CPNE4: variants seen among roughly 807,000 people sequenced by gnomAD.
CPNE4 encodes copine-4.
In CPNE4, 25 loss-of-function variants were observed where a neutral mutation model predicts 67.9. The observed-to-expected ratio is 0.37, with a 90% CI of 0.27 to 0.51. CPNE4 has a LOEUF of 0.51. CPNE4 is among the 20% of genes least tolerant of loss of function. The pLI is 0.93. For synonymous variants in CPNE4, 242 were observed against 244.9 expected (o/e 0.99, Z 0.11); for missense variants, 464 against 690.8 (o/e 0.67, Z 3.68).
At chr3:131,943,229 A>C (rs1360102210) in intron 1 of CPNE4, among the ~76,000 whole-genome samples, 3 of 152,194 alleles carry the variant, frequency 2.0e-5, no homozygotes, top group Non-Finnish European at 4.4e-5. Flanking sequence ...GTGTGGTAAC[A>C]TAAATAAAGC....
At chr3:132,028,509 G>A (rs2074164902) in intron 1 of CPNE4, among the ~76,000 whole-genome samples, 1 of 152,130 alleles carries the variant, frequency 6.6e-6, no homozygotes, top group Non-Finnish European at 1.5e-5. Flanking sequence ...TGCTGAGGGG[G>A]AAGGGGTAAG....
chr3:131,579,146 C>T (rs569525940), intron 9 of CPNE4, among the ~76,000 whole-genome samples: 2 of 152,234 alleles, frequency 1.3e-5, no homozygotes, highest in Non-Finnish European at 2.9e-5. Context: ...TAAGTGGAAG[C>T]CAATGTTCAT....
chr3:131,645,585 A>G (rs1289102326), intron 7 of CPNE4, among the ~76,000 whole-genome samples: 1 of 152,224 alleles, frequency 6.6e-6, no homozygotes, highest in East Asian at 1.9e-4. Flanking sequence ...AACCATATAA[A>G]TTTTAAAAGA....
chr3:131,850,504 G>C (rs1367164119), intron 2 of CPNE4, among the ~76,000 whole-genome samples: 1 of 152,150 alleles, frequency 6.6e-6, no homozygotes, highest in Non-Finnish European at 1.5e-5. Flanking sequence ...ATGTATGCCA[G>C]TAGAAGATCT....
At chr3:132,024,552 C>A (rs1394322139) in intron 1 of CPNE4, among the ~76,000 whole-genome samples, 5 of 152,110 alleles carry the variant, frequency 3.3e-5, no homozygotes, top group Non-Finnish European at 5.9e-5. Context: ...ATTTACTTGG[C>A]CTCTCTGGTC....
chr3:131,911,945 T>C (rs2088995900), intron 1 of CPNE4, among the ~76,000 whole-genome samples: 1 of 152,140 alleles, frequency 6.6e-6, no homozygotes, highest in African/African-American at 2.4e-5. Context: ...TCACAAAATA[T>C]GGCTCTGTCA....
At chr3:131,692,829 G>A (rs979672589) in intron 5 of CPNE4, among the ~76,000 whole-genome samples, 4 of 152,080 alleles carry the variant, frequency 2.6e-5, no homozygotes, top group Non-Finnish European at 4.4e-5. Context: ...CACCAGTGTC[G>A]GAATTAGTTC....
At chr3:131,607,866 C>T (rs1386056211) in intron 7 of CPNE4, among the ~76,000 whole-genome samples, 3 of 152,150 alleles carry the variant, frequency 2.0e-5, no homozygotes, top group Non-Finnish European at 4.4e-5. Context: ...AGGAGGTAAA[C>T]CAGCCACCAA....
intron 2 of CPNE4, among the ~76,000 whole-genome samples, chr3:131,807,292 G>C (rs558524758): frequency 3.3e-5 from 5 of 152,108 alleles, no homozygotes; most frequent in Non-Finnish European, 5.9e-5. Context: ...AGGGCAAAGG[G>C]CATCTCACAG....
intron 1 of CPNE4, among the ~76,000 whole-genome samples, chr3:131,974,687 A>G (rs1265621994): frequency 6.6e-6 from 1 of 152,092 alleles, no homozygotes; most frequent in Non-Finnish European, 1.5e-5. Flanking sequence ...TTCTCTTGCC[A>G]CCTCAGACTG....
chr3:131,695,928 A>G (rs867148955), intron 5 of CPNE4, among the ~76,000 whole-genome samples: 2 of 152,176 alleles, frequency 1.3e-5, no homozygotes, highest in African/African-American at 4.8e-5. Context: ...TTTTAGATGT[A>G]TGTTTTACTT....
At chr3:131,980,372 T>C (rs1445254804) in intron 1 of CPNE4, among the ~76,000 whole-genome samples, 1 of 152,148 alleles carries the variant, frequency 6.6e-6, no homozygotes, top group Admixed American at 6.5e-5. Context: ...CCAGACTTCC[T>C]GGAGGTTTTG....
chr3:131,584,238 T>C (rs1938031198), intron 8 of CPNE4, among the ~76,000 whole-genome samples: 1 of 152,154 alleles, frequency 6.6e-6, no homozygotes, highest in Non-Finnish European at 1.5e-5. Flanking sequence ...TCATCCATTC[T>C]CTTGATTTTA....
At chr3:131,740,014 A>G (rs1454824753) in intron 2 of CPNE4, among the ~76,000 whole-genome samples, 2 of 152,210 alleles carry the variant, frequency 1.3e-5, no homozygotes, top group Admixed American at 6.5e-5. Context: ...GATACCTCTT[A>G]TCTTTTACCC....
At chr3:132,035,141 T>TGGC (rs1382113808), upstream of CPNE4, 1 of 851,322 alleles carries the variant, frequency 1.2e-6, no homozygotes, top group African/African-American at 1.8e-5. Flanking sequence ...GCCCAGGCCT[T>TGGC]GGCGGCGGCG....
intron 7 of CPNE4, among the ~76,000 whole-genome samples, chr3:131,666,804 A>AG (rs386397932): frequency 6.6e-6 from 1 of 151,960 alleles, no homozygotes; most frequent in Non-Finnish European, 1.5e-5. Flanking sequence ...TACAGGGGGA[A>AG]AAAAAAGGGG....
intron 7 of CPNE4, among the ~76,000 whole-genome samples, chr3:131,657,019 T>C (rs2079989227): frequency 6.6e-6 from 1 of 152,184 alleles, no homozygotes; most frequent in African/African-American, 2.4e-5. Context: ...AGTGTGACCG[T>C]AAGCCCTTTC....
rs56412825 is a variant in CPNE4 at position 131,547,455 on chromosome 3, CAAAAAAAAAAAAAAAAA to C, written c.1302+2475_1302+2491del. ...TGGGTGATAGACCAAGACCCTGTCG[CAAAAAAAAAAAAAAAAA>C]AAAAAAAAAAAAAAAAAAAAAAAAA... On this transcript the variant is annotated intron_variant, in intron 14 of 15. Transcript: ENST00000429747. Among the ~76,000 whole-genome samples, 10 of 36,524 alleles carry C rather than the reference CAAAAAAAAAAAAAAAAA, an allele frequency of 2.7e-4. 2 individuals are homozygous for C. Among genetic ancestry groups the C allele is most frequent in the Admixed American group, 2.4e-3 (6 of 2,538 alleles). The allele number at this position is 36,524 out of a possible 152,430, so 24.0% of individuals were successfully genotyped here. A position where few individuals can be genotyped will look rare whatever the true frequency, so the allele number is the denominator to read the frequency against.
chr3:131,732,728 C>T (rs775325989), intron 2 of CPNE4, among the ~76,000 whole-genome samples: 13 of 152,216 alleles, frequency 8.5e-5, no homozygotes, highest in Non-Finnish European at 1.6e-4. Flanking sequence ...ATGAACATCT[C>T]TTTTTCTGCT....
Sources: allele counts gnomAD v4.1 joint callset (sites outside exome capture counted in the v4.1 genomes callset), GRCh38; gene constraint gnomAD v4.1.1; transcripts MANE v1.5; gene names NCBI Gene and HGNC (gene_info 2026-07-23, HGNC 2026-07-21).